Variants in ERC1 observed in about 807,000 individuals in gnomAD.
The protein encoded by ERC1 is ELKS/RAB6-interacting/CAST family member 1, also known as RAB6 interacting protein 2.
Under a neutral mutation model 132.0 loss-of-function variants are expected in ERC1, and 56 were observed. The observed-to-expected ratio is 0.42, with a 90% confidence interval of 0.34 to 0.53. ERC1 has a LOEUF of 0.53. ERC1 is among the 20% of genes least tolerant of loss of function. The pLI is 0.03. For synonymous variants in ERC1, 478 were observed against 476.1 expected (o/e 1.00, Z -0.05); for missense variants, 1,202 against 1,349.9 (o/e 0.89, Z 1.72).
At chr12:1,172,953 C>A (rs903263170) in intron 8 of ERC1, among the ~76,000 whole-genome samples, 1 of 152,108 alleles carries the variant, frequency 6.6e-6, no homozygotes, top group African/African-American at 2.4e-5. Flanking sequence ...TGGCTCTGCC[C>A]AGCAGCTTTA....
intron 12 of ERC1, among the ~76,000 whole-genome samples, chr12:1,227,665 A>C (rs893233458): frequency 5.9e-5 from 9 of 152,098 alleles, no homozygotes; most frequent in Non-Finnish European, 1.2e-4. Context: ...ACGCAGTCCC[A>C]TTTGTCTATT....
At chr12:1,047,224 CTG>C (rs894472002) in intron 2 of ERC1, among the ~76,000 whole-genome samples, 1 of 152,086 alleles carries the variant, frequency 6.6e-6, no homozygotes, top group Non-Finnish European at 1.5e-5. Flanking sequence ...TGGAGGGTAA[CTG>C]TTTCTCTATC....
chr12:1,035,469 G>A (rs1284009119), intron 2 of ERC1, among the ~76,000 whole-genome samples: 1 of 152,184 alleles, frequency 6.6e-6, no homozygotes, highest in African/African-American at 2.4e-5. Flanking sequence ...TTTTGTTACT[G>A]AACTTTCAAA....
intron 15 of ERC1, among the ~76,000 whole-genome samples, chr12:1,321,819 A>G (rs1322513094): frequency 6.6e-6 from 1 of 152,182 alleles, no homozygotes; most frequent in African/African-American, 2.4e-5. Context: ...TTTTGTGCTA[A>G]TAAAATTAAG....
intron 18 of ERC1, among the ~76,000 whole-genome samples, chr12:1,462,091 T>A (rs2093656184): frequency 6.6e-6 from 1 of 152,086 alleles, no homozygotes; most frequent in African/African-American, 2.4e-5. Flanking sequence ...TCTCCAAATA[T>A]ACAAAGTAAG....
intron 1 of ERC1, among the ~76,000 whole-genome samples, chr12:1,015,240 G>T (rs1294823578): frequency 1.3e-5 from 2 of 151,696 alleles, no homozygotes; most frequent in Admixed American, 1.3e-4. Flanking sequence ...TTGTATTTTG[G>T]TAGAGACAGG....
Position 1,083,357 on chromosome 12 carries a change from T to G in ERC1, c.863T>G (p.Leu288Trp), listed in dbSNP as rs755597493. Residue 288 changes from leucine (L) to tryptophan (W), a missense_variant, in exon 3 of 19, where the codon TTG becomes TGG. By Grantham distance (61) the Leu-to-Trp change is moderately conservative. Transcript: ENST00000360905. ...GAGCTGTTTCTTCTTCGAAAGACAT[T>G]GGAGGAAATGGAGCTGCGTATTGAG... ...AKELFLLRKT[L>W]EEMELRIETQ... 6.8e-6 allele frequency: 11 copies of G among 1,613,986 alleles called. No homozygotes were observed. The highest frequency in any genetic ancestry group is 5.5e-5 in the South Asian group (5 of 91,064).
chr12:1,251,085 C>G (rs995834102), intron 13 of ERC1, among the ~76,000 whole-genome samples: 8 of 152,140 alleles, frequency 5.3e-5, no homozygotes, highest in African/African-American at 1.9e-4. Context: ...TTAACTCTGT[C>G]TACAAAAACA....
chr12:1,083,146 T>G lies in ERC1; in HGVS notation c.670-18T>G, dbSNP rs777022580. ...GAGGAAAGCTGATTTGGGGGTTTTCTTTTTGTCTTGGTTCTAGCACATGCA... is the reference window on the plus strand; with the variant it reads ...GAGGAAAGCTGATTTGGGGGTTTTCGTTTTGTCTTGGTTCTAGCACATGCA... On this transcript the variant is annotated intron_variant, in intron 2 of 18. Transcript: ENST00000360905. 2.7e-4 allele frequency: 428 copies of G among 1,581,808 alleles called. No individual in the cohort carries two copies. The highest frequency in any genetic ancestry group is 1.0e-4 in the Non-Finnish European group (117 of 1,166,438).
At chr12:1,364,461 G>T (rs1407121526) in intron 15 of ERC1, among the ~76,000 whole-genome samples, 3 of 152,170 alleles carry the variant, frequency 2.0e-5, no homozygotes, top group African/African-American at 4.8e-5. Flanking sequence ...TTCACATTCT[G>T]TTTATTCCTT....
chr12:1,317,424 A>G (rs1594959026), intron 15 of ERC1, among the ~76,000 whole-genome samples: 1 of 152,270 alleles, frequency 6.6e-6, no homozygotes, highest in South Asian at 2.1e-4. Flanking sequence ...TAGGAAAGGG[A>G]TAGCATTAGG....
At chr12:1,428,730 C>T (rs1207960044) in intron 17 of ERC1, among the ~76,000 whole-genome samples, 3 of 152,242 alleles carry the variant, frequency 2.0e-5, no homozygotes, top group Admixed American at 2.0e-4. Context: ...TTGTCCTCAG[C>T]TCCGCGCTGA....
At chr12:1,242,712 A>G (rs1453125648) in intron 13 of ERC1, among the ~76,000 whole-genome samples, 1 of 152,236 alleles carries the variant, frequency 6.6e-6, no homozygotes, top group Non-Finnish European at 1.5e-5. Context: ...TAGTAGTAAC[A>G]TAACAGGTAC....
At chr12:1,010,061 G>A (rs1380482699) in intron 1 of ERC1, among the ~76,000 whole-genome samples, 1 of 152,172 alleles carries the variant, frequency 6.6e-6, no homozygotes. Flanking sequence ...CAGAATTTGA[G>A]TCTGTAATTC....
chr12:1,488,951 T>C (rs1274585008), intron 18 of ERC1, among the ~76,000 whole-genome samples: 1 of 152,210 alleles, frequency 6.6e-6, no homozygotes, highest in African/African-American at 2.4e-5. Flanking sequence ...TGGTGGACTC[T>C]TCCTTCTGCT....
intron 14 of ERC1, among the ~76,000 whole-genome samples, chr12:1,272,946 TAAAAAAAAAAAAAA>T (rs56750908): frequency 2.3e-5 from 2 of 87,800 alleles, no homozygotes; most frequent in African/African-American, 1.0e-4. Flanking sequence ...AGACTCCGTC[TAAAAAAAAAAAAAA>T]AAAAAAAAAA....
intron 12 of ERC1, among the ~76,000 whole-genome samples, chr12:1,197,625 C>A (rs1404388997): frequency 6.6e-6 from 1 of 152,198 alleles, no homozygotes; most frequent in Non-Finnish European, 1.5e-5. Context: ...TTCTCTCAGT[C>A]TGGACTCAGT....
intron 15 of ERC1, among the ~76,000 whole-genome samples, chr12:1,367,543 T>C (rs1369404431): frequency 6.6e-6 from 1 of 152,164 alleles, no homozygotes; most frequent in Non-Finnish European, 1.5e-5. Flanking sequence ...CTAATTACGG[T>C]CTCTTATTTA....
intron 7 of ERC1, among the ~76,000 whole-genome samples, chr12:1,135,926 A>G (rs1949204920): frequency 6.6e-6 from 1 of 152,198 alleles, no homozygotes; most frequent in Admixed American, 6.5e-5. Flanking sequence ...TTTCTAGCTC[A>G]TATTCAGGTC....
Sources: allele counts gnomAD v4.1 joint callset (sites outside exome capture counted in the v4.1 genomes callset), GRCh38; gene constraint gnomAD v4.1.1; transcripts MANE v1.5; gene names NCBI Gene and HGNC (gene_info 2026-07-23, HGNC 2026-07-21).